Variants in NUDCD3 observed in about 807,000 individuals in gnomAD.
NUDCD3 encodes the protein NudC domain containing 3.
In NUDCD3, 13 loss-of-function variants were observed where a neutral mutation model predicts 39.7. The observed-to-expected ratio is 0.33, with a 90% CI of 0.21 to 0.52. The LOEUF is 0.52. Ranked by LOEUF, NUDCD3 falls within the 20% of genes least tolerant of loss-of-function variation. The pLI is 0.96. For missense variants in NUDCD3, 453 were observed against 458.1 expected (o/e 0.99, Z 0.10); for synonymous variants, 175 against 172.4 (o/e 1.02, Z -0.12).
intron 2 of NUDCD3, among the ~76,000 whole-genome samples, chr7:44,442,070 G>C (rs1253564716): frequency 6.6e-6 from 1 of 152,172 alleles, no homozygotes; most frequent in Non-Finnish European, 1.5e-5. Context: ...AGATGTTCCT[G>C]GGGTTAATGA....
chr7:44,487,599 C>T (rs1800639574), intron 1 of NUDCD3, among the ~76,000 whole-genome samples: 1 of 152,138 alleles, frequency 6.6e-6, no homozygotes, highest in Admixed American at 6.5e-5. Context: ...CAATAAAACC[C>T]TTGTCAATAC....
At chr7:44,389,253 C>T (rs565472261) in intron 5 of NUDCD3, among the ~76,000 whole-genome samples, 1 of 148,712 alleles carries the variant, frequency 6.7e-6, no homozygotes, top group South Asian at 2.1e-4. Context: ...GTTGGCCTGT[C>T]CCGAACTGAC....
chr7:44,452,201 G>C (rs1276593098), intron 2 of NUDCD3, among the ~76,000 whole-genome samples: 3 of 152,188 alleles, frequency 2.0e-5, no homozygotes, highest in African/African-American at 7.2e-5. Flanking sequence ...CCAGCACTTT[G>C]GGAGGCCAAG....
chr7:44,429,427 T>C (rs1799308868), intron 2 of NUDCD3, among the ~76,000 whole-genome samples: 1 of 151,910 alleles, frequency 6.6e-6, no homozygotes, highest in Non-Finnish European at 1.5e-5. Context: ...CCAAAAAACG[T>C]CAAGGACCGC....
intron 2 of NUDCD3, among the ~76,000 whole-genome samples, chr7:44,470,726 G>A (rs1278849740): frequency 6.6e-6 from 1 of 152,200 alleles, no homozygotes; most frequent in Admixed American, 6.5e-5. Flanking sequence ...ACAGCCTGAC[G>A]GCTCAGCACA....
At position 44,468,121 on chromosome 7, in the gene NUDCD3, G is replaced by T. The variant is rs766841253; in HGVS notation, c.509+16847C>A. The T allele has an allele frequency of 1.3e-5, 21 of 1,607,788 alleles. 1 individual carries two copies. Among genetic ancestry groups the T allele is most frequent in the Non-Finnish European group, 1.4e-5 (17 of 1,179,476 alleles). ...AGCACATGCTGCCCAGTGGCTTCCGGAAGTTCCTGGTCCACAACATCAAGG... is the reference window on the plus strand; with the variant it reads ...AGCACATGCTGCCCAGTGGCTTCCGTAAGTTCCTGGTCCACAACATCAAGG... On this transcript the variant is annotated intron_variant, in intron 2 of 5. Coordinates refer to ENST00000355451, the MANE Select transcript of NUDCD3 (RefSeq NM_015332.4).
At chr7:44,399,244 T>C (rs1176006915) in intron 4 of NUDCD3, among the ~76,000 whole-genome samples, 1 of 152,238 alleles carries the variant, frequency 6.6e-6, no homozygotes, top group African/African-American at 2.4e-5. Flanking sequence ...GGCTACCGCC[T>C]TCTGTTAAAT....
intron 4 of NUDCD3, among the ~76,000 whole-genome samples, chr7:44,396,078 TATC>T (rs1409304396): frequency 2.7e-5 from 4 of 148,112 alleles, no homozygotes; most frequent in African/African-American, 1.0e-4. Context: ...CAACACTTGT[TATC>T]TTCTGTTGTG....
chr7:44,470,568 C>T, intron 2 of NUDCD3, among the ~76,000 whole-genome samples: 1 of 152,242 alleles, frequency 6.6e-6, no homozygotes, highest in African/African-American at 2.4e-5. Context: ...AACTACCTCA[C>T]AGCGTGGCTC....
In NUDCD3 at chr7:44,407,466, G is replaced by A. The variant is rs533746756; in HGVS notation, c.643-2883C>T. 1.5e-3 allele frequency among the ~76,000 whole-genome samples: 223 copies of A among 151,428 alleles called. 1 individual carries two copies. Among genetic ancestry groups the A allele is most frequent in the African/African-American group, 4.9e-3 (202 of 41,210 alleles). On this transcript the variant is annotated intron_variant, in intron 3 of 5. Transcript: ENST00000355451. ...TGTAACCCCAGCTACTCCGGAGGCT[G>A]AGGCAGGAGAATCGCTTGAACCTGG... is the stretch of plus-strand genomic sequence containing the variant.
chr7:44,418,076 T>C (rs2116890128), intron 3 of NUDCD3, among the ~76,000 whole-genome samples: 1 of 152,218 alleles, frequency 6.6e-6, no homozygotes, highest in South Asian at 2.1e-4. Flanking sequence ...TTAGGACATG[T>C]CTACCTATTT....
intron 2 of NUDCD3, among the ~76,000 whole-genome samples, chr7:44,440,633 G>A (rs1004110384): frequency 2.0e-5 from 3 of 152,044 alleles, no homozygotes; most frequent in Non-Finnish European, 2.9e-5. Context: ...GGAAAGGGGA[G>A]GAGGTTTAAG....
chr7:44,428,405 T>G (rs993607621), intron 2 of NUDCD3, among the ~76,000 whole-genome samples: 1 of 151,358 alleles, frequency 6.6e-6, no homozygotes, highest in Non-Finnish European at 1.5e-5. Flanking sequence ...ATCACACCAT[T>G]GCACTCCAGC....
At chr7:44,455,225 C>A (rs554764703) in intron 2 of NUDCD3, among the ~76,000 whole-genome samples, 1 of 152,170 alleles carries the variant, frequency 6.6e-6, no homozygotes, top group African/African-American at 2.4e-5. Context: ...CTTGCACTTA[C>A]ATCTCAGTTA....
At chr7:44,467,911 A>G in intron 2 of NUDCD3, 1 of 1,606,344 alleles carries the variant, frequency 6.2e-7, no homozygotes. Flanking sequence ...CCGCCCTCAG[A>G]CCCCTTGTGA....
At position 44,448,769 on chromosome 7, in the gene NUDCD3, G is replaced by T. The variant is rs541727028; in HGVS notation, c.510-21066C>A. Among the ~76,000 whole-genome samples, 30 of 151,964 alleles carry T rather than the reference G, an allele frequency of 2.0e-4. 1 individual carries two copies. The South Asian group carries it at 6.1e-3, about 31-fold the overall frequency. ...CCACTCTCCCACTCCCACTCCAAAA[G>T]AATACAGAAAGAGAGAGAGAGAAAA... On this transcript the variant is annotated intron_variant, in intron 2 of 5. Transcript: ENST00000355451.
chr7:44,398,697 C>T (rs1798667889), intron 4 of NUDCD3, among the ~76,000 whole-genome samples: 1 of 152,204 alleles, frequency 6.6e-6, no homozygotes. Flanking sequence ...GCAATGTGCC[C>T]AGCGAGGACG....
At chr7:44,437,218 T>C (rs11770076) in intron 2 of NUDCD3, among the ~76,000 whole-genome samples, 19,436 of 151,452 alleles carry the variant, frequency 0.13, 1,642 homozygotes, top group Non-Finnish European at 0.19. Flanking sequence ...TACAGGTGTG[T>C]GCCACCACAC....
At chr7:44,430,554 C>CCACACACACACACACACA (rs748912083) in intron 2 of NUDCD3, among the ~76,000 whole-genome samples, 2 of 140,772 alleles carry the variant, frequency 1.4e-5, no homozygotes. Context: ...AATAAAATAC[C>CCACACACACACACACACA]CACACACACA....
Sources: gnomAD v4.1 joint callset for allele counts (sites outside exome capture counted in the v4.1 genomes callset) on GRCh38, gnomAD v4.1.1 for gene constraint, MANE v1.5 for transcripts, NCBI Gene and HGNC (gene_info 2026-07-23, HGNC 2026-07-21) for gene names.